The following UCHL3 variants were observed in gnomAD, a reference collection of about 807,000 sequenced individuals.
The protein encoded by UCHL3 is ubiquitin carboxyl-terminal hydrolase isozyme L3.
In UCHL3, 22 loss-of-function variants were observed where a neutral mutation model predicts 35.8. That is an observed-to-expected ratio of 0.61 (90% CI 0.44 to 0.88). The LOEUF (loss-of-function observed/expected upper bound fraction) is 0.88. Among genes scored for constraint, UCHL3 ranks in the 40% least tolerant of loss-of-function variants. The pLI, the probability that UCHL3 is intolerant of heterozygous loss-of-function variation, is 0.00. For missense variants in UCHL3, 229 were observed against 276.9 expected (o/e 0.83, Z 1.23); for synonymous variants, 90 against 92.8 (o/e 0.97, Z 0.17).
intron 7 of UCHL3, among the ~76,000 whole-genome samples, chr13:75,598,052 A>C (rs2032689881): frequency 6.6e-6 from 1 of 152,186 alleles, no homozygotes; most frequent in Admixed American, 6.5e-5. Flanking sequence ...GTGGATTTGG[A>C]ACTGATTGAA....
chr13:75,582,047 A>G (rs990854288), intron 6 of UCHL3, among the ~76,000 whole-genome samples: 10 of 152,284 alleles, frequency 6.6e-5, no homozygotes, highest in Non-Finnish European at 8.8e-5. Flanking sequence ...TGGAGCTGGG[A>G]GTCATGAGTC....
chr13:75,560,696 G>C, intron 2 of UCHL3, 57 bp from the exon 3 acceptor site: 1 of 1,494,276 alleles, frequency 6.7e-7, no homozygotes, highest in Admixed American at 2.1e-5. Flanking sequence ...TAGTATACTA[G>C]TTTTCTTTTA....
chr13:75,584,510 C>T (rs1021134290), intron 6 of UCHL3, among the ~76,000 whole-genome samples: 5 of 152,176 alleles, frequency 3.3e-5, no homozygotes, highest in Non-Finnish European at 7.3e-5. Context: ...GTTGGCTTAT[C>T]CCCATACACT....
At chr13:75,552,144 G>C (rs1263818459) in intron 2 of UCHL3, among the ~76,000 whole-genome samples, 1 of 152,126 alleles carries the variant, frequency 6.6e-6, no homozygotes, top group African/African-American at 2.4e-5. Context: ...GTTTTAAATT[G>C]ATTTTTTAAA....
chr13:75,566,474 G>T (rs1049106685), intron 3 of UCHL3, among the ~76,000 whole-genome samples: 4 of 152,164 alleles, frequency 2.6e-5, no homozygotes, highest in African/African-American at 9.7e-5. Flanking sequence ...TTTAATAACA[G>T]CATAGGAGAA....
intron 6 of UCHL3, among the ~76,000 whole-genome samples, chr13:75,572,678 G>T (rs1028856665): frequency 6.6e-6 from 1 of 152,160 alleles, no homozygotes; most frequent in East Asian, 1.9e-4. Flanking sequence ...AAAAGTAGGG[G>T]GTTAGGGGTG....
intron 7 of UCHL3, 73 bp from the exon 8 acceptor site, chr13:75,604,696 G>A (rs1360701756): frequency 3.0e-5 from 39 of 1,316,074 alleles, no homozygotes; most frequent in Non-Finnish European, 3.7e-5. Context: ...TGGGGGAAGA[G>A]GAAAATGGAA....
intron 2 of UCHL3, among the ~76,000 whole-genome samples, chr13:75,560,146 A>G (rs1021508196): frequency 6.6e-6 from 1 of 152,118 alleles, no homozygotes; most frequent in African/African-American, 2.4e-5. Flanking sequence ...GGCTTATATT[A>G]CTCTTTGCTC....
At chr13:75,581,387 T>C (rs1024586737) in intron 6 of UCHL3, among the ~76,000 whole-genome samples, 1 of 151,662 alleles carries the variant, frequency 6.6e-6, no homozygotes, top group South Asian at 2.1e-4. Flanking sequence ...TCCCATTCTG[T>C]TGCTCAGGCG....
chr13:75,554,186 C>G (rs554518576), intron 2 of UCHL3, among the ~76,000 whole-genome samples: 84 of 152,272 alleles, frequency 5.5e-4, no homozygotes, highest in African/African-American at 2.0e-3. Flanking sequence ...CCTCAGCCTT[C>G]CAAGTAGGTA....
chr13:75,573,999 C>T (rs1212686205), intron 6 of UCHL3, among the ~76,000 whole-genome samples: 1 of 152,182 alleles, frequency 6.6e-6, no homozygotes, highest in Non-Finnish European at 1.5e-5. Flanking sequence ...GGGCAGATCA[C>T]AAGGTCAGGA....
chr13:75,575,428 CT>C (rs1481681686), intron 6 of UCHL3, among the ~76,000 whole-genome samples: 11 of 152,104 alleles, frequency 7.2e-5, no homozygotes, highest in Non-Finnish European at 1.2e-4. Flanking sequence ...AGAGTGTTTT[CT>C]TTTTTTCCAT....
intron 6 of UCHL3, among the ~76,000 whole-genome samples, chr13:75,570,402 AT>A (rs2031818075): frequency 6.6e-6 from 1 of 151,886 alleles, no homozygotes; most frequent in Non-Finnish European, 1.5e-5. Flanking sequence ...TGCCTGGCTA[AT>A]TTTTTTGTAT....
chr13:75,572,400 A>G (rs1258297596), intron 6 of UCHL3, among the ~76,000 whole-genome samples: 1 of 152,196 alleles, frequency 6.6e-6, no homozygotes, highest in Non-Finnish European at 1.5e-5. Flanking sequence ...ATTAGGATGT[A>G]TCTTACAGTT....
chr13:75,589,936 A>C (rs1264707336), intron 6 of UCHL3: 1 of 1,269,138 alleles, frequency 7.9e-7, no homozygotes, highest in African/African-American at 1.6e-5. Context: ...TTAATTATGT[A>C]GTCCTCCTCG....
chr13:75,571,963 A>G (rs2031871132), intron 6 of UCHL3, among the ~76,000 whole-genome samples: 1 of 128,450 alleles, frequency 7.8e-6, no homozygotes, highest in South Asian at 2.2e-4. Flanking sequence ...CTGTATTCAA[A>G]GTTTTCCTAA....
At chr13:75,559,881 T>C (rs1481503131) in intron 2 of UCHL3, among the ~76,000 whole-genome samples, 3 of 152,228 alleles carry the variant, frequency 2.0e-5, no homozygotes, top group Admixed American at 1.3e-4. Flanking sequence ...TCTTTCGATA[T>C]AAAGTTATTA....
chr13:75,605,901 T>G lies in UCHL3; in HGVS notation c.*89T>G. The G allele has an allele frequency of 7.8e-7, 1 of 1,286,032 alleles. No individual in the cohort carries two copies. Among genetic ancestry groups the G allele is most frequent in the Non-Finnish European group, 1.1e-6 (1 of 899,746 alleles). The allele number at this position is 1,286,032 out of a possible 1,614,324, so 79.7% of individuals were successfully genotyped here. A position where few individuals can be genotyped will look rare whatever the true frequency, so the allele number is the denominator to read the frequency against. ...TAACTCAAAAATTTTGATATTTTCA[T>G]TAACTTGATGATTAAACTTTATGTG... On this transcript the variant is annotated 3_prime_UTR_variant, in exon 9 of 9. Coordinates refer to ENST00000377595, the MANE Select transcript of UCHL3 (RefSeq NM_006002.5).
At chr13:75,598,031 G>T (rs1194965516) in intron 7 of UCHL3, among the ~76,000 whole-genome samples, 1 of 152,082 alleles carries the variant, frequency 6.6e-6, no homozygotes, top group Non-Finnish European at 1.5e-5. Context: ...GTAGAGCATT[G>T]GGATTTAGAG....
Sources: gnomAD v4.1 joint callset for allele counts (sites outside exome capture counted in the v4.1 genomes callset) on GRCh38, gnomAD v4.1.1 for gene constraint, MANE v1.5 for transcripts, NCBI Gene and HGNC (gene_info 2026-07-23, HGNC 2026-07-21) for gene names.